The following TGFA variants were observed in gnomAD, a reference collection of about 807,000 sequenced individuals.
TGFA encodes the protein transforming growth factor alpha, also known as protransforming growth factor alpha.
TGFA carries 12 observed loss-of-function variants against 21.7 expected under a neutral mutation model. The observed-to-expected ratio is 0.55, with a 90% CI of 0.35 to 0.90. The LOEUF (loss-of-function observed/expected upper bound fraction) is 0.90. Among genes scored for constraint, TGFA ranks in the 40% least tolerant of loss-of-function variants. TGFA has a pLI of 0.01. For missense variants in TGFA, 178 were observed against 210.8 expected (o/e 0.84, Z 0.96); for synonymous variants, 79 against 88.1 (o/e 0.90, Z 0.58).
intron 2 of TGFA, among the ~76,000 whole-genome samples, chr2:70,494,724 A>G (rs1671530518): frequency 6.6e-6 from 1 of 152,192 alleles, no homozygotes; most frequent in Non-Finnish European, 1.5e-5. Context: ...CTCTTTGATG[A>G]CTAGTAAGGC....
At chr2:70,474,348 A>C (rs537725652) in intron 2 of TGFA, among the ~76,000 whole-genome samples, 76 of 152,378 alleles carry the variant, frequency 5.0e-4, no homozygotes, top group Non-Finnish European at 9.0e-4. Context: ...GCTATAGAAA[A>C]TTAGGATGCT....
Position 70,448,907 on chromosome 2 carries a change from C to T in TGFA, c.*1952G>A, listed in dbSNP as rs1553489116. ...CATCTGTCCAGCCTCATTCCTACGC[C>T]TCTGCAAAGTCTCTTGGATGCTAAC... On this transcript the variant is annotated 3_prime_UTR_variant, in exon 6 of 6. Coordinates refer to ENST00000295400, the MANE Select transcript of TGFA (RefSeq NM_003236.4). 1 of 152,236 alleles carries T rather than the reference C, an allele frequency of 6.6e-6. No homozygotes were observed. The highest frequency in any genetic ancestry group is 2.4e-5 in the African/African-American group (1 of 41,454). The allele number at this position is 152,236 out of a possible 1,614,324, so 9.4% of individuals were successfully genotyped here.
At chr2:70,530,583 C>A (rs397897391) in intron 1 of TGFA, among the ~76,000 whole-genome samples, 1 of 142,204 alleles carries the variant, frequency 7.0e-6, no homozygotes, top group Non-Finnish European at 1.5e-5. Context: ...GGGCCACAGG[C>A]GGCCCATGGG....
intron 2 of TGFA, among the ~76,000 whole-genome samples, chr2:70,475,847 C>G (rs1313658910): frequency 6.6e-6 from 1 of 151,966 alleles, no homozygotes; most frequent in Admixed American, 6.6e-5. Context: ...AAGACCACTA[C>G]CTCCCCCAAA....
intron 4 of TGFA, among the ~76,000 whole-genome samples, chr2:70,454,229 CTGGGCTTCTCTCTTGGTATCTGG>C (rs1197498962): frequency 1.3e-5 from 2 of 152,178 alleles, no homozygotes; most frequent in Non-Finnish European, 2.9e-5. Flanking sequence ...AAGCCTGTTG[CTGGGCTTCTCTCTTGGTATCTGG>C]TGGGCATTTC....
intron 2 of TGFA, among the ~76,000 whole-genome samples, chr2:70,479,583 A>G (rs1671048914): frequency 6.6e-6 from 1 of 151,988 alleles, no homozygotes; most frequent in Non-Finnish European, 1.5e-5. Flanking sequence ...TGTCAGCCTT[A>G]GTTTTCTTTT....
Position 70,453,389 on chromosome 2 carries a change from G to A in TGFA, c.366-62C>T, listed in dbSNP as rs1670123141. 20 of 1,487,176 alleles carry A rather than the reference G, an allele frequency of 1.3e-5. No homozygotes were observed. In the South Asian group the frequency reaches 1.9e-4, roughly 14 times the overall value. The allele number at this position is 1,487,176 out of a possible 1,614,324, so 92.1% of individuals were successfully genotyped here. A position where few individuals can be genotyped will look rare whatever the true frequency, so the allele number is the denominator to read the frequency against. ...CTGGTAGGAGGGCCAGGGTGGTACA[G>A]CATCTGCCCTAGGGGCCTGCTGGGC... On this transcript the variant is annotated intron_variant, in intron 4 of 5. Coordinates refer to ENST00000295400, the MANE Select transcript of TGFA (RefSeq NM_003236.4).
intron 1 of TGFA, chr2:70,553,035 T>G: frequency 1.1e-6 from 1 of 883,598 alleles, no homozygotes; most frequent in Non-Finnish European, 1.7e-6. Flanking sequence ...ACCTTTCCCA[T>G]CCCTCCTTCA....
At chr2:70,515,213 T>C (rs1223316528) in intron 1 of TGFA, among the ~76,000 whole-genome samples, 3 of 152,266 alleles carry the variant, frequency 2.0e-5, no homozygotes. Flanking sequence ...CTTAACACCT[T>C]ATAAATATAT....
intron 2 of TGFA, among the ~76,000 whole-genome samples, chr2:70,482,215 T>C (rs781872468): frequency 2.6e-5 from 4 of 152,210 alleles, no homozygotes; most frequent in Non-Finnish European, 5.9e-5. Context: ...TGTTGGCCTT[T>C]GTGCTAACAG....
chr2:70,476,742 A>T (rs1365018181), intron 2 of TGFA, among the ~76,000 whole-genome samples: 2 of 152,198 alleles, frequency 1.3e-5, no homozygotes, highest in African/African-American at 4.8e-5. Flanking sequence ...GATACTCCTC[A>T]TTTTAAGTGA....
chr2:70,458,213 G>T (rs556415705), intron 3 of TGFA, among the ~76,000 whole-genome samples: 1 of 152,164 alleles, frequency 6.6e-6, no homozygotes, highest in African/African-American at 2.4e-5. Context: ...AGGCGGAGGC[G>T]AAGAGTGGGC....
At chr2:70,543,419 G>A (rs1673193981) in intron 1 of TGFA, among the ~76,000 whole-genome samples, 1 of 151,994 alleles carries the variant, frequency 6.6e-6, no homozygotes, top group African/African-American at 2.4e-5. Flanking sequence ...CCAGCTACTT[G>A]GGAGGCTGAG....
At chr2:70,468,119 A>G (rs1356529194) in intron 2 of TGFA, among the ~76,000 whole-genome samples, 1 of 152,240 alleles carries the variant, frequency 6.6e-6, no homozygotes, top group African/African-American at 2.4e-5. Context: ...ACCACTGACA[A>G]TCCCAAGATA....
At chr2:70,466,433 G>A (rs1393788897) in intron 2 of TGFA, among the ~76,000 whole-genome samples, 3 of 152,136 alleles carry the variant, frequency 2.0e-5, no homozygotes, top group Non-Finnish European at 4.4e-5. Flanking sequence ...CGAGAACCCC[G>A]GGGGGCGGAG....
At chr2:70,495,989 C>A (rs782482245) in intron 2 of TGFA, among the ~76,000 whole-genome samples, 1 of 152,122 alleles carries the variant, frequency 6.6e-6, no homozygotes. Context: ...GATATATACT[C>A]ATATAATTTG....
At chr2:70,473,933 T>C (rs1247035055) in intron 2 of TGFA, among the ~76,000 whole-genome samples, 6 of 152,104 alleles carry the variant, frequency 3.9e-5, no homozygotes, top group African/African-American at 1.4e-4. Flanking sequence ...GCAGGGCCAT[T>C]TTTGTCTCTA....
At chr2:70,536,905 G>A (rs1265313446) in intron 1 of TGFA, among the ~76,000 whole-genome samples, 1 of 152,154 alleles carries the variant, frequency 6.6e-6, no homozygotes, top group Non-Finnish European at 1.5e-5. Flanking sequence ...ACATGGGATA[G>A]CACAGGCATA....
rs569192202 is a variant in TGFA, at chr2:70,543,151, CTAAA to C, written c.40+10573_40+10576del. Among the ~76,000 whole-genome samples the C allele has an allele frequency of 1.7e-3, 259 of 151,982 alleles. 5 individuals are homozygous for C. The highest frequency in any genetic ancestry group is 0.017 in the Admixed American group (258 of 15,260). On this transcript the variant is annotated intron_variant, in intron 1 of 5. Transcript: ENST00000295400. The stretch of plus-strand genomic sequence containing the variant: ...AAAATAAAAGAAGGGTTTTTTCCCT[CTAAA>C]TATCATCAAGAAAAACAAACTTTAA...
Sources: gnomAD v4.1 joint callset for allele counts (sites outside exome capture counted in the v4.1 genomes callset) on GRCh38, gnomAD v4.1.1 for gene constraint, MANE v1.5 for transcripts, NCBI Gene and HGNC (gene_info 2026-07-23, HGNC 2026-07-21) for gene names.